INPP4B: variants seen among roughly 807,000 people sequenced by gnomAD.
The protein encoded by INPP4B is inositol polyphosphate 4-phosphatase type II.
INPP4B carries 55 observed loss-of-function variants against 122.5 expected under a neutral mutation model. The observed-to-expected ratio is 0.45, with a 90% CI of 0.36 to 0.56. INPP4B has a LOEUF of 0.56. Ranked by LOEUF, INPP4B falls within the 20% of genes least tolerant of loss-of-function variation. INPP4B has a pLI of 0.00. For synonymous variants in INPP4B, 403 were observed against 388.7 expected (o/e 1.04, Z -0.43); for missense variants, 1,000 against 1,097.7 (o/e 0.91, Z 1.26).
At chr4:142,810,046 T>G (rs1292996542) in intron 1 of INPP4B, among the ~76,000 whole-genome samples, 1 of 151,634 alleles carries the variant, frequency 6.6e-6, no homozygotes, top group Non-Finnish European at 1.5e-5. Flanking sequence ...GGTGGGTGCC[T>G]GTAATCCCAG....
At chr4:142,350,412 C>A (rs1254018118) in intron 7 of INPP4B, among the ~76,000 whole-genome samples, 1 of 151,888 alleles carries the variant, frequency 6.6e-6, no homozygotes, top group Non-Finnish European at 1.5e-5. Context: ...CAATTATTTT[C>A]TTTGGTAAAA....
chr4:142,680,096 A>C (rs1758414191), intron 2 of INPP4B, among the ~76,000 whole-genome samples: 1 of 151,876 alleles, frequency 6.6e-6, no homozygotes, highest in South Asian at 2.1e-4. Context: ...TTAGAGCTAT[A>C]ACATCACCAT....
intron 2 of INPP4B, among the ~76,000 whole-genome samples, chr4:142,655,324 A>G (rs922019799): frequency 1.3e-5 from 2 of 152,210 alleles, no homozygotes; most frequent in Non-Finnish European, 1.5e-5. Context: ...GCTTTCATTT[A>G]CAGGGAATAG....
At chr4:142,282,252 A>G (rs562634074) in intron 9 of INPP4B, among the ~76,000 whole-genome samples, 1 of 152,264 alleles carries the variant, frequency 6.6e-6, no homozygotes, top group East Asian at 1.9e-4. Context: ...TTTTGCAGAA[A>G]GAAGCAGATG....
chr4:142,816,573 A>G (rs1780145657), intron 1 of INPP4B, among the ~76,000 whole-genome samples: 1 of 152,100 alleles, frequency 6.6e-6, no homozygotes, highest in Admixed American at 6.6e-5. Context: ...AAAACAAATA[A>G]TAACAATATC....
At chr4:142,201,411 T>C (rs540143519) in intron 14 of INPP4B, among the ~76,000 whole-genome samples, 1 of 152,110 alleles carries the variant, frequency 6.6e-6, no homozygotes, top group Non-Finnish European at 1.5e-5. Context: ...TCTTAGGTAA[T>C]CTTCTTAATA....
intron 2 of INPP4B, among the ~76,000 whole-genome samples, chr4:142,590,758 C>T (rs1737255809): frequency 6.6e-6 from 1 of 150,942 alleles, no homozygotes; most frequent in Non-Finnish European, 1.5e-5. Context: ...TAAAAACATA[C>T]ATTTCCTTAC....
In INPP4B at chr4:142,134,720, C is replaced by A. The variant is rs567533083; in HGVS notation, c.1721-9960G>T. 4.8e-5 allele frequency among the ~76,000 whole-genome samples: 7 copies of A among 147,062 alleles called. No homozygotes were observed. The East Asian group carries it at 1.2e-3, about 26-fold the overall frequency. ...GCTGAGGTGGGAGAATCACTTGAAC[C>A]TGGGGGACGGAGGTTGTGGTGAGCT... On this transcript the variant is annotated intron_variant, in intron 18 of 25. Coordinates refer to ENST00000262992, the MANE Select transcript of INPP4B (RefSeq NM_001101669.3).
intron 16 of INPP4B, among the ~76,000 whole-genome samples, chr4:142,167,807 G>A (rs1232703303): frequency 6.6e-6 from 1 of 151,542 alleles, no homozygotes; most frequent in Non-Finnish European, 1.5e-5. Context: ...TTTTGGCATT[G>A]CCTATTCTTT....
At chr4:142,425,215 C>G (rs1807783564) in intron 5 of INPP4B, 1 of 152,082 alleles carries the variant, frequency 6.6e-6, no homozygotes, top group African/African-American at 2.4e-5. Context: ...ACTAGATGTT[C>G]AGCAGCATCC....
chr4:142,232,821 A>C (rs1854984437), intron 12 of INPP4B, among the ~76,000 whole-genome samples: 7 of 152,192 alleles, frequency 4.6e-5, no homozygotes, highest in Admixed American at 4.6e-4. Flanking sequence ...ATAAGAAAGC[A>C]AAACAGCCTT....
rs149049727 is a variant in INPP4B at position 142,513,429 on chromosome 4, C to T, written c.-190-50703G>A. The stretch of plus-strand genomic sequence containing the variant: ...GGTCTCTCTCTTTTTTTTTTTGAGA[C>T]GAACTCTCCCTCTTGTCCCCCAGGC... On this transcript the variant is annotated intron_variant, in intron 2 of 25. Transcript: ENST00000262992. Among the ~76,000 whole-genome samples, 779 of 151,090 alleles carry T rather than the reference C, an allele frequency of 5.2e-3. 18 individuals are homozygous for T. The highest frequency in any genetic ancestry group is 0.044 in the Admixed American group (667 of 15,182).
chr4:142,103,724 G>C (rs1011631973), intron 23 of INPP4B, among the ~76,000 whole-genome samples: 4 of 151,960 alleles, frequency 2.6e-5, no homozygotes, highest in African/African-American at 7.2e-5. Context: ...AAACTGAATA[G>C]AACAGACTTT....
intron 2 of INPP4B, among the ~76,000 whole-genome samples, chr4:142,628,417 G>C (rs1469584356): frequency 1.6e-5 from 1 of 61,690 alleles, no homozygotes; most frequent in Non-Finnish European, 3.5e-5. Flanking sequence ...GTTGTGGGGT[G>C]GGGGGAGGGG....
At chr4:142,326,210 C>T (rs573640950) in intron 7 of INPP4B, among the ~76,000 whole-genome samples, 1 of 152,284 alleles carries the variant, frequency 6.6e-6, no homozygotes, top group Admixed American at 6.5e-5. Flanking sequence ...GAGCCAAGTC[C>T]GGTCCTGTGG....
chr4:142,537,433 G>T (rs368683710), intron 2 of INPP4B, among the ~76,000 whole-genome samples: 2,650 of 27,438 alleles, frequency 0.097, 41 homozygotes, highest in African/African-American at 0.15. Flanking sequence ...TATATATAGA[G>T]AGAGAGAGAG....
intron 23 of INPP4B, among the ~76,000 whole-genome samples, chr4:142,090,203 A>G (rs542200001): frequency 6.6e-6 from 1 of 152,162 alleles, no homozygotes; most frequent in Non-Finnish European, 1.5e-5. Flanking sequence ...CACCTCATAA[A>G]GAGAGTGTGT....
intron 14 of INPP4B, among the ~76,000 whole-genome samples, chr4:142,202,010 A>G (rs1840814716): frequency 6.6e-6 from 1 of 152,150 alleles, no homozygotes; most frequent in East Asian, 1.9e-4. Context: ...AATTTAAGCA[A>G]ACAAAATACA....
intron 1 of INPP4B, among the ~76,000 whole-genome samples, chr4:142,745,884 C>A (rs1221731702): frequency 4.0e-5 from 6 of 151,776 alleles, no homozygotes; most frequent in Admixed American, 2.0e-4. Flanking sequence ...ATATGACAAT[C>A]TTAAATATGT....
Sources: allele counts gnomAD v4.1 joint callset (sites outside exome capture counted in the v4.1 genomes callset), GRCh38; gene constraint gnomAD v4.1.1; transcripts MANE v1.5; gene names NCBI Gene and HGNC (gene_info 2026-07-23, HGNC 2026-07-21).